Variants in RGS8 observed in about 807,000 individuals in gnomAD.
RGS8 encodes regulator of G protein signaling 8.
RGS8 carries 8 observed loss-of-function variants against 21.7 expected under a neutral mutation model. The ratio of observed to expected loss-of-function variants is 0.37; its 90% confidence interval spans 0.22 to 0.66. The LOEUF (loss-of-function observed/expected upper bound fraction) is 0.66. Among genes scored for constraint, RGS8 ranks in the 30% least tolerant of loss-of-function variants. RGS8 has a pLI of 0.59. For synonymous variants in RGS8, 80 were observed against 83.6 expected, an observed-to-expected ratio of 0.96 and a Z score of 0.24; for missense variants, 157 against 217.9, an observed-to-expected ratio of 0.72 and a Z score of 1.76.
At chr1:182,699,829 G>A in the RGS8 span, among the ~76,000 whole-genome samples, 4 of 152,204 alleles carry the variant, frequency 2.6e-5, no homozygotes, top group Non-Finnish European at 5.9e-5. Flanking sequence ...TGCAGAAAGG[G>A]ATCCCTCGGG....
At chr1:182,715,297 G>A in the RGS8 span, among the ~76,000 whole-genome samples, 1 of 152,172 alleles carries the variant, frequency 6.6e-6, no homozygotes, top group Non-Finnish European at 1.5e-5. Context: ...GATGGAAGTA[G>A]TCCAGGTGTC....
the RGS8 span, among the ~76,000 whole-genome samples, chr1:182,713,317 G>A: frequency 1.3e-5 from 2 of 152,066 alleles, no homozygotes; most frequent in South Asian, 4.1e-4. Context: ...CCAAGTAGCT[G>A]GGATTACAGG....
the RGS8 span, among the ~76,000 whole-genome samples, chr1:182,747,911 T>C: frequency 6.6e-6 from 1 of 152,156 alleles, no homozygotes; most frequent in Non-Finnish European, 1.5e-5. Context: ...TTCTTTTTTG[T>C]TTTGTCTGTT....
At chr1:182,676,537 C>T (rs1210609898), upstream of RGS8, among the ~76,000 whole-genome samples, 2 of 152,186 alleles carry the variant, frequency 1.3e-5, 1 homozygote, top group Non-Finnish European at 2.9e-5. Flanking sequence ...AAGGAGGTCA[C>T]TTGGCCCAAA....
At chr1:182,723,689 TC>T in the RGS8 span, among the ~76,000 whole-genome samples, 6 of 152,066 alleles carry the variant, frequency 3.9e-5, no homozygotes, top group African/African-American at 9.7e-5. Flanking sequence ...GAAGCCCAGG[TC>T]CTTGGGGGTC....
the RGS8 span, among the ~76,000 whole-genome samples, chr1:182,697,886 T>C: frequency 0.036 from 5,487 of 152,260 alleles, 130 homozygotes; most frequent in Admixed American, 0.045. Flanking sequence ...CAAATGCCAA[T>C]TGAGTGCTTA....
At chr1:182,668,568 G>A (rs953398551) in intron 3 of RGS8, among the ~76,000 whole-genome samples, 22 of 152,156 alleles carry the variant, frequency 1.4e-4, no homozygotes, top group African/African-American at 5.3e-4. Flanking sequence ...GACAGCATTT[G>A]TATTCCACAG....
chr1:182,668,210 T>G (rs894045636), intron 3 of RGS8, among the ~76,000 whole-genome samples: 2 of 152,218 alleles, frequency 1.3e-5, no homozygotes, highest in African/African-American at 2.4e-5. Context: ...TGCTGACCCC[T>G]CACCTTTAAC....
At chr1:182,727,816 A>C in the RGS8 span, among the ~76,000 whole-genome samples, 1 of 152,142 alleles carries the variant, frequency 6.6e-6, no homozygotes, top group Non-Finnish European at 1.5e-5. Context: ...ATTATTCAAA[A>C]GTTCATAGTA....
upstream of RGS8, chr1:182,672,155 C>A: frequency 5.5e-6 from 1 of 180,302 alleles, no homozygotes; most frequent in Middle Eastern, 2.5e-3. Flanking sequence ...TTCCAGTCAC[C>A]AGTGAGCTAA....
At chr1:182,749,856 AGTTATTT>A in the RGS8 span, among the ~76,000 whole-genome samples, 320 of 152,224 alleles carry the variant, frequency 2.1e-3, 1 homozygote, top group African/African-American at 6.6e-3. Flanking sequence ...TACATGCATT[AGTTATTT>A]GTCCTGATGC....
chr1:182,736,503 A>G, the RGS8 span, among the ~76,000 whole-genome samples: 1 of 152,158 alleles, frequency 6.6e-6, no homozygotes, highest in Non-Finnish European at 1.5e-5. Context: ...GGATATCTGC[A>G]TTTTTACCAA....
chr1:182,694,515 G>C, the RGS8 span, among the ~76,000 whole-genome samples: 1 of 152,184 alleles, frequency 6.6e-6, no homozygotes, highest in African/African-American at 2.4e-5. Flanking sequence ...ATTAAAAAAT[G>C]CTTATCTGTG....
the RGS8 span, among the ~76,000 whole-genome samples, chr1:182,692,675 CAAAAAAAAAAAA>C: frequency 4.3e-3 from 121 of 28,036 alleles, 1 homozygote; most frequent in South Asian, 8.7e-3. Context: ...CAATCCTAAG[CAAAAAAAAAAAA>C]AAAAAAAAAA....
At position 182,684,016 on chromosome 1, in the gene RGS8, G is replaced by T. The variant is rs1395577591; in HGVS notation, n.221+340C>A. Among the ~76,000 whole-genome samples the T allele has an allele frequency of 6.6e-6, 1 of 152,226 alleles. No individual in the cohort carries two copies. The highest frequency in any genetic ancestry group is 2.4e-5 in the African/African-American group (1 of 41,456). ...ACAATATTTTCAGAGCCCCCTAAGG[G>T]AGCTGAGGGAAGAAACAGGATCACC... On this transcript the variant is annotated intron_variant and non_coding_transcript_variant, in intron 1 of 4. Coordinates refer to the RGS8 transcript ENST00000515211. The surrounding 1 kb of genome is among the most constrained non-coding windows in gnomAD (Gnocchi z 4.2).
At chr1:182,732,391 C>T in the RGS8 span, among the ~76,000 whole-genome samples, 1 of 152,026 alleles carries the variant, frequency 6.6e-6, no homozygotes, top group South Asian at 2.1e-4. Flanking sequence ...ACTTGTCCAA[C>T]AGTAAGTCTA....
intron 1 of RGS8, among the ~76,000 whole-genome samples, chr1:182,680,288 C>G (rs1664498010): frequency 6.6e-6 from 1 of 152,210 alleles, no homozygotes; most frequent in Non-Finnish European, 1.5e-5. Context: ...TTGAGAGTCA[C>G]CTACCACTTC....
chr1:182,658,517 A>AT (rs1213430347), intron 5 of RGS8: 3 of 152,252 alleles, frequency 2.0e-5, no homozygotes, highest in Non-Finnish European at 4.4e-5. Flanking sequence ...CCAAGACCAG[A>AT]TAGAGGAAAA....
chr1:182,702,706 A>G, the RGS8 span, among the ~76,000 whole-genome samples: 2 of 152,260 alleles, frequency 1.3e-5, no homozygotes, highest in African/African-American at 4.8e-5. Flanking sequence ...CTTCCTAAAG[A>G]AATTCAATTA....
Sources: allele counts gnomAD v4.1 joint callset (sites outside exome capture counted in the v4.1 genomes callset), GRCh38; gene constraint gnomAD v4.1.1; non-coding constraint Gnocchi (gnomAD v3.1); transcripts MANE v1.5; gene names NCBI Gene and HGNC (gene_info 2026-07-23, HGNC 2026-07-21).